URB2: variants seen among roughly 807,000 people sequenced by gnomAD.
The protein encoded by URB2 is unhealthy ribosome biogenesis protein 2 homolog.
Under a neutral mutation model 120.9 loss-of-function variants are expected in URB2, and 86 were observed. The ratio of observed to expected loss-of-function variants is 0.71; its 90% CI spans 0.60 to 0.85. URB2 has a LOEUF of 0.85. Among genes scored for constraint, URB2 ranks in the 40% least tolerant of loss-of-function variants. The pLI, the probability that URB2 is intolerant of heterozygous loss-of-function variation, is 0.00. For missense variants in URB2, 1,765 were observed against 1,836.5 expected (o/e 0.96, Z 0.71); for synonymous variants, 755 against 758.4 (o/e 1.00, Z 0.07).
At position 229,637,666 on chromosome 1, in the gene URB2, G is replaced by A; in HGVS notation, c.3053G>A (p.Ser1018Asn). The change falls in exon 4 of 10, where the codon AGC becomes AAC. Residue 1018 changes from serine to asparagine, a missense_variant. Ser to Asn is a conservative substitution (Grantham distance 46). Coordinates refer to ENST00000258243, the MANE Select transcript of URB2 (RefSeq NM_014777.4). ...CAGATGCTCATCCAAATGAAGCTGA[G>A]CTTGGTGCTCAATTTTAGAAAAATC... Reference protein sequence around the residue: ...LMQMLIQMKLSLVLNFRKITA... With the variant: ...LMQMLIQMKLNLVLNFRKITA... The A allele has an allele frequency of 1.2e-6, 2 of 1,614,244 alleles. No individual in the cohort carries two copies. Among genetic ancestry groups the A allele is most frequent in the African/African-American group, 1.3e-5 (1 of 75,064 alleles).
At position 229,639,320 on chromosome 1, in the gene URB2, A is replaced by C. The variant is rs114505004; in HGVS notation, c.3634+1073A>C. 4.2e-3 allele frequency among the ~76,000 whole-genome samples: 637 copies of C among 150,286 alleles called. 5 individuals are homozygous for C. Among genetic ancestry groups the C allele is most frequent in the African/African-American group, 0.015 (613 of 41,058 alleles). On this transcript the variant is annotated intron_variant, in intron 4 of 9. Coordinates refer to ENST00000258243, the MANE Select transcript of URB2 (RefSeq NM_014777.4). ...CATAAAAAAATAAATTAAAAAAAGT[A>C]CAAATCACTTAATTTCTTTTTTTTT...
chr1:229,634,834 G>C, intron 3 of URB2, 83 bp from the exon 4 acceptor site: 1 of 1,263,614 alleles, frequency 7.9e-7, no homozygotes, highest in Non-Finnish European at 1.0e-6. Flanking sequence ...GGGTGAGTTT[G>C]TTGATTTTTT....
At chr1:229,652,318 C>T (rs1666298775) in intron 8 of URB2, among the ~76,000 whole-genome samples, 1 of 152,152 alleles carries the variant, frequency 6.6e-6, no homozygotes, top group South Asian at 2.1e-4. Context: ...AGCTCAGAGG[C>T]TCTGGGACCA....
At chr1:229,632,248 G>T in intron 2 of URB2, 21 bp from the exon 3 acceptor site, 1 of 1,524,046 alleles carries the variant, frequency 6.6e-7, no homozygotes, top group Non-Finnish European at 8.7e-7. Context: ...TATTTTCAGT[G>T]TATGTGTCCT....
chr1:229,638,357 C>G (rs1422992959), intron 4 of URB2, 110 bp downstream of exon 4: 1 of 1,300,732 alleles, frequency 7.7e-7, no homozygotes, highest in African/African-American at 1.5e-5. Context: ...AAAGGTACCA[C>G]ATGTGCGGCT....
In URB2 at chr1:229,637,134, C is replaced by A; in HGVS notation, c.2521C>A (p.Leu841Ile). ...TCTTGTCAGTCAGCAGCTTCCCTGGCTTTTTGAAAAGGACCACATGGTTGT... is the reference window on the plus strand; with the variant it reads ...TCTTGTCAGTCAGCAGCTTCCCTGGATTTTTGAAAAGGACCACATGGTTGT... ...SGLVSQQLPW[L>I]FEKDHMVVGH... The change falls in exon 4 of 10, where the codon CTT (leucine) becomes ATT (isoleucine). Residue 841 changes from leucine to isoleucine, a missense_variant. Transcript: ENST00000258243. 1 of 1,613,058 alleles carries A rather than the reference C, an allele frequency of 6.2e-7. No homozygotes were observed.
At chr1:229,653,516 A>G (rs773815510) in intron 8 of URB2, among the ~76,000 whole-genome samples, 1 of 152,022 alleles carries the variant, frequency 6.6e-6, no homozygotes, top group African/African-American at 2.4e-5. Context: ...TGTTTTCTGG[A>G]GTTTTATAAA....
intron 9 of URB2, among the ~76,000 whole-genome samples, chr1:229,655,325 G>A (rs146240406): frequency 0.027 from 4,094 of 152,122 alleles, 178 homozygotes; most frequent in African/African-American, 0.092. Context: ...CCTCTGCCCC[G>A]TGGGTTCAAG....
At chr1:229,634,178 A>G (rs1165484193) in intron 3 of URB2, among the ~76,000 whole-genome samples, 2 of 151,458 alleles carry the variant, frequency 1.3e-5, no homozygotes, top group Non-Finnish European at 2.9e-5. Flanking sequence ...TTTTTTAAAT[A>G]GAAAAAGTAT....
intron 2 of URB2, among the ~76,000 whole-genome samples, chr1:229,628,084 T>TA (rs1026232524): frequency 1.4e-5 from 2 of 144,048 alleles, no homozygotes; most frequent in African/African-American, 5.1e-5. Context: ...TCCCATCTCT[T>TA]AAAAAAATTA....
chr1:229,659,677 C>T lies in URB2; in HGVS notation c.*380C>T, dbSNP rs565380157. The T allele has an allele frequency of 1.8e-5, 3 of 164,456 alleles. No homozygotes were observed. The highest frequency in any genetic ancestry group is 1.7e-4 in the South Asian group (1 of 5,716). The allele number at this position is 164,456 out of a possible 1,614,324, so 10.2% of individuals were successfully genotyped here. Reference sequence around the variant, plus strand: ...TGGCTTTTTACTTTGGGTACATGGGCGTATAATTCAGCCCTGTTTAAATAT... The same window carrying T: ...TGGCTTTTTACTTTGGGTACATGGGTGTATAATTCAGCCCTGTTTAAATAT... On this transcript the variant is annotated 3_prime_UTR_variant, in exon 10 of 10. Transcript: ENST00000258243.
chr1:229,645,831 C>T (rs757415793), intron 5 of URB2, 28 bp from the exon 6 acceptor site: 3 of 1,593,834 alleles, frequency 1.9e-6, no homozygotes. Context: ...GCTATCTCTG[C>T]CGCTAAGTTT....
At position 229,632,399 on chromosome 1, in the gene URB2, T is replaced by C; in HGVS notation, c.257T>C (p.Leu86Pro). 1 of 1,581,618 alleles carries C rather than the reference T, an allele frequency of 6.3e-7. No individual in the cohort carries two copies. Among genetic ancestry groups the C allele is most frequent in the South Asian group, 1.2e-5 (1 of 83,022 alleles). The change falls in exon 3 of 10, where the codon CTC becomes CCC. Residue 86 changes from leucine to proline, a missense_variant. Leu to Pro is a moderately conservative substitution (Grantham distance 98, BLOSUM62 -3). Coordinates refer to ENST00000258243, the MANE Select transcript of URB2 (RefSeq NM_014777.4). Reference sequence around the variant, plus strand: ...TTACATAGCAGAAAATTGCAGAATCTCCTCAAGAATGGAAAGACCATTAAT... The same window carrying C: ...TTACATAGCAGAAAATTGCAGAATCCCCTCAAGAATGGAAAGACCATTAAT... ...NILHSRKLQNLLKNGKTINLQ... is the reference protein window; with the variant it reads ...NILHSRKLQNPLKNGKTINLQ...
At position 229,638,253 on chromosome 1, in the gene URB2, A is replaced by T. The variant is rs1032452606; in HGVS notation, c.3634+6A>T. On this transcript the variant is annotated splice_donor_region_variant and intron_variant, in intron 4 of 9. Coordinates refer to ENST00000258243, the MANE Select transcript of URB2 (RefSeq NM_014777.4). ...TGTGAGAAGAGTTCTTGCAGGTAAG[A>T]TATTTTCTCTTGAGCTAATTCTGTG... 7 of 1,582,714 alleles carry T rather than the reference A, an allele frequency of 4.4e-6. No homozygotes were observed. In the African/African-American group the frequency reaches 9.5e-5, roughly 21 times the overall value.
At chr1:229,642,569 C>A (rs1666036124) in intron 4 of URB2, among the ~76,000 whole-genome samples, 1 of 152,134 alleles carries the variant, frequency 6.6e-6, no homozygotes. Flanking sequence ...GCCTTGAGTG[C>A]CCTGGCTTTG....
At chr1:229,639,017 A>T (rs1329703007) in intron 4 of URB2, among the ~76,000 whole-genome samples, 1 of 152,190 alleles carries the variant, frequency 6.6e-6, no homozygotes, top group Non-Finnish European at 1.5e-5. Flanking sequence ...GCCAACTTTA[A>T]AAAAGTACAA....
At position 229,636,588 on chromosome 1, in the gene URB2, A is replaced by G. The variant is rs1239339656; in HGVS notation, c.1975A>G (p.Ile659Val). ...TGTAAAAACACAGCATTGGAAGAAG[A>G]TAGAGAAGTTTACAGCTCAGTTCAG... is the stretch of plus-strand genomic sequence containing the variant. ...PGVKTQHWKK[I>V]EKFTAQFSSL... The change falls in exon 4 of 10, where the codon ATA becomes GTA. Residue 659 changes from isoleucine (I) to valine (V), a missense_variant. By Grantham distance (29) the Ile-to-Val change is conservative. Coordinates refer to ENST00000258243, the MANE Select transcript of URB2 (RefSeq NM_014777.4). 3 of 1,614,090 alleles carry G rather than the reference A, an allele frequency of 1.9e-6. No homozygotes were observed. Among genetic ancestry groups the G allele is most frequent in the African/African-American group, 1.3e-5 (1 of 74,928 alleles).
chr1:229,627,792 T>G, intron 2 of URB2, 33 bp downstream of exon 2: 1 of 1,587,620 alleles, frequency 6.3e-7, no homozygotes, highest in Non-Finnish European at 8.6e-7. Flanking sequence ...ATTTTTACAG[T>G]CTGTCAAGAT....
rs1342620297 is a variant in URB2, at chr1:229,632,295, A to T, written c.153A>T (p.Ser51=). ...EQVLLDWARQ[S]LVAFYKKKLE... is the part of the protein sequence containing the mutation. The stretch of plus-strand genomic sequence containing the variant: ...TGTTACTTGATTGGGCAAGACAATC[A>T]TTGGTTGCATTTTATAAGAAAAAGC... Residue 51 remains serine, a synonymous_variant, in exon 3 of 10, where the codon TCA becomes TCT. Coordinates refer to ENST00000258243, the MANE Select transcript of URB2 (RefSeq NM_014777.4). 6.3e-7 allele frequency: 1 copy of T among 1,579,162 alleles called. No individual in the cohort carries two copies. Among genetic ancestry groups the T allele is most frequent in the South Asian group, 1.2e-5 (1 of 82,488 alleles).
Sources: allele counts gnomAD v4.1 joint callset (sites outside exome capture counted in the v4.1 genomes callset), GRCh38; gene constraint gnomAD v4.1.1; transcripts MANE v1.5; gene names NCBI Gene and HGNC (gene_info 2026-07-23, HGNC 2026-07-21).